Variants in ANKS1B observed in about 807,000 individuals in gnomAD.
ANKS1B encodes ankyrin repeat and sterile alpha motif domain-containing protein 1B.
A neutral mutation model predicts 148.3 loss-of-function variants in ANKS1B; 36 were observed. The ratio of observed to expected loss-of-function variants is 0.24; its 90% CI spans 0.19 to 0.32. The LOEUF (loss-of-function observed/expected upper bound fraction) is 0.32, where lower values mean the gene tolerates loss of function less well. ANKS1B is among the 10% of genes least tolerant of loss of function. The probability of loss-of-function intolerance (pLI) is 1.00; values close to 1 mark genes in which losing one functional copy is unlikely to be tolerated. For missense variants in ANKS1B, 1,157 were observed against 1,542.6 expected, an observed-to-expected ratio of 0.75 and a Z score of 4.19; for synonymous variants, 542 against 560.8, an observed-to-expected ratio of 0.97 and a Z score of 0.47.
chr12:99,560,214 C>T (rs2097318615), intron 9 of ANKS1B, among the ~76,000 whole-genome samples: 1 of 152,082 alleles, frequency 6.6e-6, no homozygotes, highest in Non-Finnish European at 1.5e-5. Flanking sequence ...GTTCTAGTTG[C>T]TTATTTTCTT....
chr12:99,140,304 A>G (rs967738851), intron 15 of ANKS1B, among the ~76,000 whole-genome samples: 3 of 152,206 alleles, frequency 2.0e-5, no homozygotes, highest in African/African-American at 7.2e-5. Context: ...GAGTAAATTA[A>G]GGTGACTAAC....
chr12:99,680,849 G>A (rs1194892872), intron 8 of ANKS1B, among the ~76,000 whole-genome samples: 2 of 152,090 alleles, frequency 1.3e-5, no homozygotes, highest in Admixed American at 1.3e-4. Context: ...CTGCATGGGA[G>A]CTGAGTGAGG....
intron 12 of ANKS1B, among the ~76,000 whole-genome samples, chr12:99,298,877 A>C (rs1412888054): frequency 6.6e-6 from 1 of 152,226 alleles, no homozygotes; most frequent in African/African-American, 2.4e-5. Context: ...AACCAGGGCA[A>C]TGAGACTGAA....
At chr12:99,077,109 T>C (rs1369094799) in intron 16 of ANKS1B, among the ~76,000 whole-genome samples, 1 of 152,176 alleles carries the variant, frequency 6.6e-6, no homozygotes, top group Non-Finnish European at 1.5e-5. Context: ...TGAGTGGAGC[T>C]TGTAAGAACC....
intron 17 of ANKS1B, among the ~76,000 whole-genome samples, chr12:98,855,366 T>C (rs1465194915): frequency 1.3e-5 from 2 of 152,238 alleles, no homozygotes; most frequent in Non-Finnish European, 2.9e-5. Flanking sequence ...TCTGGTGGTA[T>C]ATTTTGCTGA....
At position 99,808,438 on chromosome 12, in the gene ANKS1B, G is replaced by A. The variant is rs192424327; in HGVS notation, c.373-1738C>T. Among the ~76,000 whole-genome samples the A allele has an allele frequency of 7.2e-5, 11 of 152,124 alleles. No individual in the cohort carries two copies. The East Asian group carries it at 1.9e-3, about 27-fold the overall frequency. ...GAGCATTTGAAGGTCAAACCCACAG[G>A]GAAAAATCTACTCTTTCAAGACAAT... On this transcript the variant is annotated intron_variant, in intron 3 of 26. Coordinates refer to ENST00000683438, the MANE Select transcript of ANKS1B (RefSeq NM_001352186.2).
intron 10 of ANKS1B, among the ~76,000 whole-genome samples, chr12:99,465,821 T>C (rs1041321678): frequency 1.3e-5 from 2 of 152,144 alleles, no homozygotes; most frequent in African/African-American, 4.8e-5. Flanking sequence ...CAAAGAGACT[T>C]AGACTCCCAC....
At chr12:99,331,072 C>T (rs1361239203) in intron 12 of ANKS1B, among the ~76,000 whole-genome samples, 1 of 151,944 alleles carries the variant, frequency 6.6e-6, no homozygotes, top group African/African-American at 2.4e-5. Context: ...TAATCACTTG[C>T]ATCCAAATAA....
intron 4 of ANKS1B, among the ~76,000 whole-genome samples, chr12:99,797,747 T>G (rs2066426586): frequency 6.6e-6 from 1 of 151,872 alleles, no homozygotes; most frequent in Non-Finnish European, 1.5e-5. Flanking sequence ...TTAACATCAA[T>G]AACTGAATTG....
intron 12 of ANKS1B, among the ~76,000 whole-genome samples, chr12:99,385,016 A>G (rs924877866): frequency 1.3e-5 from 2 of 152,152 alleles, no homozygotes; most frequent in Non-Finnish European, 2.9e-5. Flanking sequence ...CAGTGTTTAC[A>G]GTTTTATATT....
intron 12 of ANKS1B, among the ~76,000 whole-genome samples, chr12:99,263,468 C>G (rs1413893679): frequency 6.6e-6 from 1 of 152,010 alleles, no homozygotes; most frequent in Non-Finnish European, 1.5e-5. Flanking sequence ...TTCTAGAATC[C>G]TTTATGCTAC....
At chr12:98,868,911 C>T (rs746644857) in intron 17 of ANKS1B, among the ~76,000 whole-genome samples, 1 of 152,216 alleles carries the variant, frequency 6.6e-6, no homozygotes, top group Non-Finnish European at 1.5e-5. Context: ...GCTTGATGTA[C>T]TGTTCTCATC....
intron 12 of ANKS1B, among the ~76,000 whole-genome samples, chr12:99,286,443 G>A (rs111338416): frequency 7.2e-5 from 11 of 152,068 alleles, no homozygotes; most frequent in African/African-American, 2.4e-4. Flanking sequence ...TAAGACCCAG[G>A]GCCACACTGG....
At position 99,382,249 on chromosome 12, in the gene ANKS1B, A is replaced by G. The variant is rs151063164; in HGVS notation, c.1756+17382T>C. Among the ~76,000 whole-genome samples the G allele has an allele frequency of 9.8e-5, 15 of 152,354 alleles. No individual in the cohort carries two copies. The East Asian group carries it at 2.9e-3, about 29-fold the overall frequency. Reference sequence around the variant, plus strand: ...TCAGGGAGATGAATCAGGTGCCCACATGTCCAATCACTTTCATAATTACAG... The same window carrying G: ...TCAGGGAGATGAATCAGGTGCCCACGTGTCCAATCACTTTCATAATTACAG... On this transcript the variant is annotated intron_variant, in intron 12 of 26. Transcript: ENST00000683438.
chr12:98,737,029 C>T (rs1477061064), intron 9 of ANKS1B, among the ~76,000 whole-genome samples: 1 of 152,200 alleles, frequency 6.6e-6, no homozygotes, highest in Non-Finnish European at 1.5e-5. Context: ...TTCCTCCCTC[C>T]AGATTGTTGT....
chr12:99,539,753 T>C (rs915476504), intron 9 of ANKS1B, among the ~76,000 whole-genome samples: 8 of 152,130 alleles, frequency 5.3e-5, no homozygotes, highest in African/African-American at 1.7e-4. Context: ...TGTTTTCTTA[T>C]AGACAGGGCC....
At chr12:99,535,556 C>T (rs190017929) in intron 9 of ANKS1B, among the ~76,000 whole-genome samples, 19 of 152,304 alleles carry the variant, frequency 1.2e-4, no homozygotes, top group South Asian at 4.1e-4. Flanking sequence ...TCTAGCATAG[C>T]GCTGTATATC....
At chr12:98,880,099 G>T (rs1351908421) in intron 17 of ANKS1B, among the ~76,000 whole-genome samples, 1 of 152,072 alleles carries the variant, frequency 6.6e-6, no homozygotes, top group Non-Finnish European at 1.5e-5. Flanking sequence ...ATATCCACTA[G>T]GGTGCTAACC....
At chr12:99,350,490 A>T (rs929819609) in intron 12 of ANKS1B, among the ~76,000 whole-genome samples, 6 of 152,066 alleles carry the variant, frequency 3.9e-5, no homozygotes, top group African/African-American at 1.4e-4. Flanking sequence ...AACACAAGAC[A>T]ACTGTAGACA....
Sources: allele counts gnomAD v4.1 joint callset (sites outside exome capture counted in the v4.1 genomes callset), GRCh38; gene constraint gnomAD v4.1.1; transcripts MANE v1.5; gene names NCBI Gene and HGNC (gene_info 2026-07-23, HGNC 2026-07-21).